GRHL2: variants seen among roughly 807,000 people sequenced by gnomAD.
GRHL2 encodes the protein grainyhead-like protein 2 homolog.
Under a neutral mutation model 83.8 loss-of-function variants are expected in GRHL2, and 21 were observed. The ratio of observed to expected loss-of-function variants is 0.25; its 90% CI spans 0.18 to 0.36. The LOEUF (loss-of-function observed/expected upper bound fraction) is 0.36. Among genes scored for constraint, GRHL2 ranks in the 10% least tolerant of loss-of-function variants. The probability of loss-of-function intolerance (pLI) is 1.00; values close to 1 mark genes in which losing one functional copy is unlikely to be tolerated. For missense variants in GRHL2, 623 were observed against 781.8 expected (o/e 0.80, Z 2.42); for synonymous variants, 280 against 278.9 (o/e 1.00, Z -0.04).
At chr8:101,601,926 A>G (rs1255296250) in intron 8 of GRHL2, among the ~76,000 whole-genome samples, 1 of 152,238 alleles carries the variant, frequency 6.6e-6, no homozygotes, top group Non-Finnish European at 1.5e-5. Flanking sequence ...CAAAGCAAGA[A>G]GTAAAAGCCT....
chr8:101,569,269 T>C (rs1811775442), intron 4 of GRHL2, among the ~76,000 whole-genome samples: 2 of 152,190 alleles, frequency 1.3e-5, no homozygotes, highest in African/African-American at 2.4e-5. Context: ...GTACATACAA[T>C]TGAACATCTT....
intron 8 of GRHL2, among the ~76,000 whole-genome samples, chr8:101,602,943 G>A (rs2030782): frequency 0.011 from 1,645 of 152,300 alleles, 61 homozygotes; most frequent in South Asian, 0.1. Flanking sequence ...TGGCTCCTTT[G>A]GCCTGGTCCT....
chr8:101,578,004 C>A (rs10481098), intron 7 of GRHL2, among the ~76,000 whole-genome samples: 4 of 152,118 alleles, frequency 2.6e-5, no homozygotes, highest in African/African-American at 7.2e-5. Context: ...TAGGTGGTCA[C>A]GCAAGTGAAC....
chr8:101,664,404 A>G, intron 14 of GRHL2, 50 bp from the exon 15 acceptor site: 1 of 1,380,534 alleles, frequency 7.2e-7, no homozygotes, highest in African/African-American at 1.4e-5. Context: ...CCTTGCCTCC[A>G]GTTGGGCGTC....
chr8:101,565,675 A>G (rs1354862980), intron 4 of GRHL2, among the ~76,000 whole-genome samples: 1 of 152,212 alleles, frequency 6.6e-6, no homozygotes, highest in African/African-American at 2.4e-5. Context: ...AAGTGGCGCA[A>G]CTGCACCATC....
At chr8:101,548,032 G>A (rs1811300339) in intron 2 of GRHL2, among the ~76,000 whole-genome samples, 1 of 152,284 alleles carries the variant, frequency 6.6e-6, no homozygotes, top group South Asian at 2.1e-4. Flanking sequence ...TCATCATCTG[G>A]TTCCAGCTGT....
intron 1 of GRHL2, chr8:101,529,080 T>C: frequency 2.6e-6 from 1 of 385,360 alleles, no homozygotes; most frequent in East Asian, 8.3e-5. Flanking sequence ...GTTCTTCCTC[T>C]TTGACAGGGA....
chr8:101,637,347 C>T lies in GRHL2; in HGVS notation c.1517+419C>T, dbSNP rs540660946. 6.6e-5 allele frequency among the ~76,000 whole-genome samples: 10 copies of T among 152,292 alleles called. No homozygotes were observed. The South Asian group carries it at 2.1e-3, about 32-fold the overall frequency. The stretch of plus-strand genomic sequence containing the variant: ...ACAGCCTACCCTTCTTCCAGTACTG[C>T]CTGGGATGCACACACAACTCTCAAA... On this transcript the variant is annotated intron_variant, in intron 12 of 15. Transcript: ENST00000646743.
In GRHL2 at chr8:101,666,995, A is replaced by G; in HGVS notation, c.*292A>G. 1.9e-6 allele frequency: 1 copy of G among 513,426 alleles called. No individual in the cohort carries two copies. Among genetic ancestry groups the G allele is most frequent in the Non-Finnish European group, 3.5e-6 (1 of 281,880 alleles). The allele number at this position is 513,426 out of a possible 1,614,324, so 31.8% of individuals were successfully genotyped here. On this transcript the variant is annotated 3_prime_UTR_variant, in exon 16 of 16. Coordinates refer to ENST00000646743, the MANE Select transcript of GRHL2 (RefSeq NM_024915.4). ...GGAGCCCAGGTCCAGGCCCGCCAGGACTCTGCAGGTCACTGCTAGCTCCAG... is the reference window on the plus strand; with the variant it reads ...GGAGCCCAGGTCCAGGCCCGCCAGGGCTCTGCAGGTCACTGCTAGCTCCAG...
intron 1 of GRHL2, among the ~76,000 whole-genome samples, chr8:101,540,763 G>A (rs1157982886): frequency 6.6e-6 from 1 of 152,132 alleles, no homozygotes; most frequent in Non-Finnish European, 1.5e-5. Context: ...CCATAGGAAT[G>A]TCAGCAAAAA....
intron 1 of GRHL2, among the ~76,000 whole-genome samples, chr8:101,532,839 GAGAGAA>G (rs1252730762): frequency 6.6e-6 from 1 of 151,994 alleles, no homozygotes; most frequent in Non-Finnish European, 1.5e-5. Flanking sequence ...GAGAGATAGA[GAGAGAA>G]AGAGAAAGAG....
intron 1 of GRHL2, among the ~76,000 whole-genome samples, chr8:101,513,153 C>T (rs1006724083): frequency 6.6e-6 from 1 of 151,984 alleles, no homozygotes; most frequent in Admixed American, 6.6e-5. Context: ...ATAAGCCTTA[C>T]AGGGTCATGT....
chr8:101,538,619 G>A (rs1047076928), intron 1 of GRHL2, among the ~76,000 whole-genome samples: 6 of 152,118 alleles, frequency 3.9e-5, no homozygotes, highest in South Asian at 2.1e-4. Context: ...TTTAAGAAGC[G>A]GACCAGAGCA....
chr8:101,597,094 A>G (rs1480683947), intron 7 of GRHL2, among the ~76,000 whole-genome samples: 1 of 152,162 alleles, frequency 6.6e-6, no homozygotes, highest in Non-Finnish European at 1.5e-5. Context: ...AAGTAGAGAG[A>G]AAAAGGGAAA....
intron 14 of GRHL2, among the ~76,000 whole-genome samples, chr8:101,660,509 A>G (rs1586179625): frequency 6.6e-6 from 1 of 152,198 alleles, no homozygotes; most frequent in East Asian, 1.9e-4. Context: ...ACTCACTGAG[A>G]CACTCTGGCT....
intron 4 of GRHL2, among the ~76,000 whole-genome samples, chr8:101,563,981 A>C (rs1281187284): frequency 6.6e-6 from 1 of 152,206 alleles, no homozygotes; most frequent in African/African-American, 2.4e-5. Flanking sequence ...CGGAATCATC[A>C]TGCTATTTGG....
chr8:101,570,091 C>G (rs1387620781), intron 4 of GRHL2, among the ~76,000 whole-genome samples: 4 of 152,202 alleles, frequency 2.6e-5, no homozygotes, highest in Non-Finnish European at 4.4e-5. Context: ...ACCTCAAACT[C>G]TGTAGGAACA....
intron 7 of GRHL2, among the ~76,000 whole-genome samples, chr8:101,585,750 AAC>A (rs1204706704): frequency 1.3e-5 from 2 of 152,268 alleles, no homozygotes; most frequent in Non-Finnish European, 2.9e-5. Flanking sequence ...ATTAACTTAA[AAC>A]ACTGTAAATG....
intron 1 of GRHL2, among the ~76,000 whole-genome samples, chr8:101,535,211 A>G (rs1318062178): frequency 6.6e-6 from 1 of 152,198 alleles, no homozygotes; most frequent in Non-Finnish European, 1.5e-5. Flanking sequence ...AACATTTTCT[A>G]CAAACAATCT....
Sources: gnomAD v4.1 joint callset for allele counts (sites outside exome capture counted in the v4.1 genomes callset) on GRCh38, gnomAD v4.1.1 for gene constraint, MANE v1.5 for transcripts, NCBI Gene and HGNC (gene_info 2026-07-23, HGNC 2026-07-21) for gene names.